PAPPA: variants seen among roughly 807,000 people sequenced by gnomAD.
PAPPA encodes pappalysin 1.
In PAPPA, 60 loss-of-function variants were observed where a neutral mutation model predicts 164.0. That is an observed-to-expected ratio of 0.37 (90% CI 0.30 to 0.45). PAPPA has a LOEUF of 0.45. PAPPA is among the 20% of genes least tolerant of loss of function. The pLI, the probability that PAPPA is intolerant of heterozygous loss-of-function variation, is 1.00. For missense variants in PAPPA, 1,782 were observed against 2,087.3 expected, an observed-to-expected ratio of 0.85 and a Z score of 2.85; for synonymous variants, 875 against 814.1, an observed-to-expected ratio of 1.07 and a Z score of -1.27.
chr9:116,293,829 C>A (rs1444279985), intron 9 of PAPPA, among the ~76,000 whole-genome samples: 1 of 152,058 alleles, frequency 6.6e-6, no homozygotes, highest in Admixed American at 6.6e-5. Context: ...GTGGCGCATT[C>A]CTGTAATCCC....
At chr9:116,336,279 G>A (rs112719871) in intron 13 of PAPPA, among the ~76,000 whole-genome samples, 1 of 151,914 alleles carries the variant, frequency 6.6e-6, no homozygotes, top group African/African-American at 2.4e-5. Context: ...CCTTTCCCAC[G>A]CCCCTGTTAC....
At chr9:116,323,569 G>GAA (rs201755521) in intron 10 of PAPPA, among the ~76,000 whole-genome samples, 11 of 151,536 alleles carry the variant, frequency 7.3e-5, no homozygotes, top group Non-Finnish European at 1.6e-4. Context: ...GAGAGAGAGA[G>GAA]AAAAAAAACA....
At chr9:116,263,796 G>C (rs893689032) in intron 7 of PAPPA, among the ~76,000 whole-genome samples, 1 of 152,280 alleles carries the variant, frequency 6.6e-6, no homozygotes, top group African/African-American at 2.4e-5. Flanking sequence ...GAAGAGACGC[G>C]ACGAGAGGAC....
intron 13 of PAPPA, among the ~76,000 whole-genome samples, chr9:116,343,009 C>G (rs1016558291): frequency 6.6e-6 from 1 of 152,192 alleles, no homozygotes; most frequent in East Asian, 1.9e-4. Context: ...GGCATTTTCT[C>G]TGCCCTCAAG....
rs1343817926 is a variant in PAPPA at position 116,211,642 on chromosome 9, G to A, written c.1628G>A (p.Gly543Asp). ...TTCTCTGGATTTCCCCTTACAGGTG[G>A]CATTGTCTTGAACCCATCTTTCTAT... ...WDKEALMHLG[G>D]IVLNPSFYGM... Residue 543 changes from glycine (G) to aspartate (D), a missense_variant, in exon 4 of 22, where the codon GGC becomes GAC. Around this residue, in one of 2 missense-constraint regions of PAPPA, gnomAD observed 1,324 missense variants for 1,656.9 expected, o/e 0.80. Coordinates refer to ENST00000328252, the MANE Select transcript of PAPPA (RefSeq NM_002581.5). The A allele has an allele frequency of 1.2e-6, 2 of 1,612,588 alleles. No homozygotes were observed. The highest frequency in any genetic ancestry group is 1.3e-5 in the African/African-American group (1 of 74,874).
intron 9 of PAPPA, among the ~76,000 whole-genome samples, chr9:116,290,546 C>A (rs146136709): frequency 1.3e-5 from 2 of 152,216 alleles, no homozygotes; most frequent in African/African-American, 4.8e-5. Flanking sequence ...AGTGACTTGT[C>A]CAAAGTCATA....
chr9:116,370,172 AGAGT>A (rs1395034016), intron 19 of PAPPA, among the ~76,000 whole-genome samples: 1 of 152,114 alleles, frequency 6.6e-6, no homozygotes, highest in African/African-American at 2.4e-5. Flanking sequence ...CCGGGGTAAG[AGAGT>A]GAGAGGCAAG....
chr9:116,287,105 A>T (rs114559360), intron 9 of PAPPA: 132 of 152,372 alleles, frequency 8.7e-4, no homozygotes, highest in African/African-American at 3.1e-3. Context: ...CATGGGAATG[A>T]CTTACCCTCT....
Position 116,254,731 on chromosome 9 carries a change from A to G in PAPPA, c.2733-11126A>G, listed in dbSNP as rs552569632. ...TGGGAGGCGGAGCTTGCAGTGAGCC[A>G]AGACTGCACCACTGCACTCCAGCCT... On this transcript the variant is annotated intron_variant, in intron 7 of 21. Coordinates refer to ENST00000328252, the MANE Select transcript of PAPPA (RefSeq NM_002581.5). Among the ~76,000 whole-genome samples the G allele has an allele frequency of 1.3e-3, 199 of 149,658 alleles. 1 individual carries two copies. The highest frequency in any genetic ancestry group is 8.8e-3 in the East Asian group (42 of 4,798).
chr9:116,155,555 C>T (rs1257683186), intron 1 of PAPPA, among the ~76,000 whole-genome samples: 1 of 152,210 alleles, frequency 6.6e-6, no homozygotes, highest in African/African-American at 2.4e-5. Flanking sequence ...ACAATCTTGC[C>T]ATGTCCTGGG....
chr9:116,370,782 C>A (rs1252497458), intron 19 of PAPPA, among the ~76,000 whole-genome samples: 1 of 152,196 alleles, frequency 6.6e-6, no homozygotes. Context: ...AATGTCAACA[C>A]TGAGATCACA....
At chr9:116,364,709 A>G (rs1846476715) in intron 18 of PAPPA, among the ~76,000 whole-genome samples, 1 of 152,234 alleles carries the variant, frequency 6.6e-6, no homozygotes, top group Non-Finnish European at 1.5e-5. Context: ...AACTGTACGC[A>G]AATGAGTACG....
At chr9:116,263,072 T>C (rs1845021892) in intron 7 of PAPPA, among the ~76,000 whole-genome samples, 1 of 152,230 alleles carries the variant, frequency 6.6e-6, no homozygotes, top group South Asian at 2.1e-4. Flanking sequence ...CTTGGGTTTT[T>C]ATTTTTCAAT....
Position 116,396,584 on chromosome 9 carries a change from C to A in PAPPA, c.4852C>A (p.Arg1618=), listed in dbSNP as rs373780391. 7.7e-6 allele frequency: 6 copies of A among 780,800 alleles called. No individual in the cohort carries two copies. In the South Asian group the frequency reaches 8.0e-5, roughly 10 times the overall value. The allele number at this position is 780,800 out of a possible 1,614,324, so 48.4% of individuals were successfully genotyped here. ...GGACCCCCAGGCCCAAGAACACAGC[C>A]GGAAAGACCTCCGGGGATACAGCCA... ...CRDPQAQEHS[R]KDLRGYSHG Residue 1618 remains arginine (R), a synonymous_variant, in exon 22 of 22, where the codon CGG becomes AGG. Transcript: ENST00000328252.
chr9:116,320,244 G>C (rs1270959222), intron 10 of PAPPA, among the ~76,000 whole-genome samples: 1 of 152,102 alleles, frequency 6.6e-6, no homozygotes, highest in African/African-American at 2.4e-5. Flanking sequence ...CAGGATTTCA[G>C]ACTTGTGGGG....
At position 116,288,439 on chromosome 9, in the gene PAPPA, C is replaced by T. The variant is rs554678463; in HGVS notation, c.2954-14318C>T. Reference sequence around the variant, plus strand: ...TCTGTCTCCCTCCCTCCCTCCCTCCCTCCCTCCCTTCCTTCCTTCCTTGCT... The same window carrying T: ...TCTGTCTCCCTCCCTCCCTCCCTCCTTCCCTCCCTTCCTTCCTTCCTTGCT... On this transcript the variant is annotated intron_variant, in intron 9 of 21. Coordinates refer to ENST00000328252, the MANE Select transcript of PAPPA (RefSeq NM_002581.5). Among the ~76,000 whole-genome samples, 125 of 140,336 alleles carry T rather than the reference C, an allele frequency of 8.9e-4. 4 individuals carry two copies. The highest frequency in any genetic ancestry group is 3.6e-4 in the Non-Finnish European group (23 of 63,852). 92.1% of individuals were successfully genotyped at this position (140,336 alleles called of 152,430 possible).
chr9:116,220,158 C>T, intron 5 of PAPPA, 29 bp downstream of exon 5: 2 of 1,298,170 alleles, frequency 1.5e-6, no homozygotes, highest in African/African-American at 1.5e-5. Flanking sequence ...GTGTTGATCC[C>T]TCTCTCTCTC....
chr9:116,348,503 CTTTTA>C lies in PAPPA; in HGVS notation c.3964+1300_3964+1304del, dbSNP rs376405036. Among the ~76,000 whole-genome samples the C allele has an allele frequency of 5.9e-3, 898 of 151,942 alleles. 20 individuals carry two copies. Among genetic ancestry groups the C allele is most frequent in the Admixed American group, 0.045 (690 of 15,256 alleles). Reference sequence around the variant, plus strand: ...AGGACAACAGTTTTTTTAAAAAAAACTTTTATTTTAAGCTCAGGAGGACATGTGCA... The same window carrying C: ...AGGACAACAGTTTTTTTAAAAAAAACTTTTAAGCTCAGGAGGACATGTGCA... On this transcript the variant is annotated intron_variant, in intron 15 of 21. Transcript: ENST00000328252.
intron 21 of PAPPA, among the ~76,000 whole-genome samples, chr9:116,389,801 T>C (rs1385224195): frequency 6.6e-6 from 1 of 151,276 alleles, no homozygotes; most frequent in African/African-American, 2.4e-5. Flanking sequence ...CTCATTTGCT[T>C]TGCCTTCTGT....
Sources: gnomAD v4.1 joint callset for allele counts (sites outside exome capture counted in the v4.1 genomes callset) on GRCh38, gnomAD v4.1.1 for gene constraint, gnomAD v4.1.1 regional missense constraint, MANE v1.5 for transcripts, NCBI Gene and HGNC (gene_info 2026-07-23, HGNC 2026-07-21) for gene names.